Variants in CDC5L observed in about 807,000 individuals in gnomAD.
CDC5L encodes cell division cycle 5-like protein.
In CDC5L, 18 loss-of-function variants were observed where a neutral mutation model predicts 104.1. That is an observed-to-expected ratio of 0.17 (90% confidence interval 0.12 to 0.26). The LOEUF (loss-of-function observed/expected upper bound fraction) is 0.26, where lower values mean the gene tolerates loss of function less well. CDC5L is among the 10% of genes least tolerant of loss of function. CDC5L has a pLI of 1.00. For synonymous variants in CDC5L, 331 were observed against 322.7 expected, an observed-to-expected ratio of 1.03 and a Z score of -0.28; for missense variants, 673 against 956.9, an observed-to-expected ratio of 0.70 and a Z score of 3.91.
chr6:44,429,187 A>G (rs567763025), intron 13 of CDC5L, among the ~76,000 whole-genome samples: 29 of 151,970 alleles, frequency 1.9e-4, no homozygotes, highest in African/African-American at 7.0e-4. Context: ...ACGTCCTACT[A>G]ATTTTTACAT....
intron 1 of CDC5L, among the ~76,000 whole-genome samples, chr6:44,388,770 CTG>C (rs2153372864): frequency 6.6e-6 from 1 of 150,644 alleles, no homozygotes; most frequent in African/African-American, 2.4e-5. Flanking sequence ...CTTGGAATCT[CTG>C]TAAGAATTAA....
intron 8 of CDC5L, among the ~76,000 whole-genome samples, chr6:44,417,691 G>C (rs926434101): frequency 2.0e-5 from 3 of 152,180 alleles, no homozygotes; most frequent in Non-Finnish European, 4.4e-5. Context: ...AGAGAACATG[G>C]TCAGTTCTGC....
chr6:44,398,239 C>G (rs1554158337), intron 5 of CDC5L, among the ~76,000 whole-genome samples: 1 of 152,118 alleles, frequency 6.6e-6, no homozygotes, highest in Admixed American at 6.5e-5. Context: ...GGCCACCTCT[C>G]TATTCTGTAT....
rs1213113999 is a variant in CDC5L at position 44,445,759 on chromosome 6, G to A, written c.2196G>A (p.Met732Ile). 6.2e-7 allele frequency: 1 copy of A among 1,614,068 alleles called. No homozygotes were observed. Among genetic ancestry groups the A allele is most frequent in the Non-Finnish European group, 8.5e-7 (1 of 1,179,942 alleles). ...ACCAGTCTCGTGCTATGGGGCTCATGAAACAGTTGAATGACTTATGGGACC... is the reference window on the plus strand; with the variant it reads ...ACCAGTCTCGTGCTATGGGGCTCATAAAACAGTTGAATGACTTATGGGACC... ...GGYQSRAMGLMKQLNDLWDQI... is the reference protein window; with the variant it reads ...GGYQSRAMGLIKQLNDLWDQI... Residue 732 changes from methionine (M) to isoleucine (I), a missense_variant, in exon 15 of 16, where the codon ATG becomes ATA. Met to Ile is a conservative substitution (Grantham distance 10). Around this residue, in one of 4 missense-constraint regions of CDC5L, gnomAD observed 578 missense variants for 737.0 expected, o/e 0.78. Coordinates refer to ENST00000371477, the MANE Select transcript of CDC5L (RefSeq NM_001253.4).
At chr6:44,416,486 C>G (rs912221352) in intron 8 of CDC5L, among the ~76,000 whole-genome samples, 6 of 152,210 alleles carry the variant, frequency 3.9e-5, no homozygotes, top group African/African-American at 1.4e-4. Context: ...AAGTCTGTCA[C>G]TACCTCTGAC....
rs569156360 is a variant in CDC5L at position 44,446,705 on chromosome 6, A to G, written c.2403A>G (p.Lys801=). The G allele has an allele frequency of 2.5e-5, 37 of 1,482,980 alleles. No homozygotes were observed. The South Asian group carries it at 3.8e-4, about 15-fold the overall frequency. The allele number at this position is 1,482,980 out of a possible 1,614,324, so 91.9% of individuals were successfully genotyped here. A position where few individuals can be genotyped will look rare whatever the true frequency, so the allele number is the denominator to read the frequency against. The change falls in exon 16 of 16, where the codon AAA becomes AAG. Residue 801 remains lysine, a synonymous_variant. Coordinates refer to ENST00000371477, the MANE Select transcript of CDC5L (RefSeq NM_001253.4). The part of the protein sequence containing the change: ...LLLEKETLKS[K]F Reference sequence around the variant, plus strand: ...TGGAGAAAGAGACTTTAAAGTCAAAATTCTGAAGTACAGTTTATATTCTGT... The same window carrying G: ...TGGAGAAAGAGACTTTAAAGTCAAAGTTCTGAAGTACAGTTTATATTCTGT...
intron 5 of CDC5L, among the ~76,000 whole-genome samples, chr6:44,403,581 A>G (rs1440662475): frequency 1.3e-5 from 2 of 152,124 alleles, no homozygotes; most frequent in Admixed American, 6.6e-5. Context: ...GAGATAAGAT[A>G]TGTATTTACT....
chr6:44,419,268 T>C, intron 8 of CDC5L, among the ~76,000 whole-genome samples, 181 bp from the exon 9 acceptor site: 1 of 152,186 alleles, frequency 6.6e-6, no homozygotes, highest in East Asian at 1.9e-4. Context: ...ATGTGTTAGA[T>C]TGATAGAAGG....
intron 8 of CDC5L, among the ~76,000 whole-genome samples, chr6:44,412,784 T>TC (rs1402246655): frequency 1.5e-5 from 2 of 137,756 alleles, no homozygotes; most frequent in East Asian, 2.1e-4. Flanking sequence ...ATAATTTCTT[T>TC]TTTTTTTTTT....
At chr6:44,415,550 G>T (rs1389205154) in intron 8 of CDC5L, among the ~76,000 whole-genome samples, 1 of 152,154 alleles carries the variant, frequency 6.6e-6, no homozygotes, top group Non-Finnish European at 1.5e-5. Flanking sequence ...CCTCCCCCAT[G>T]TCAGGTTTCT....
intron 14 of CDC5L, among the ~76,000 whole-genome samples, chr6:44,432,627 A>G (rs1792737250): frequency 6.6e-6 from 1 of 152,220 alleles, no homozygotes. Context: ...TCCTTAAGAT[A>G]CTCATTTAAA....
chr6:44,431,132 T>C (rs1792663955), intron 14 of CDC5L, among the ~76,000 whole-genome samples: 1 of 152,222 alleles, frequency 6.6e-6, no homozygotes, highest in Admixed American at 6.5e-5. Flanking sequence ...ATCTTTTAAT[T>C]TGAGTTATTC....
At chr6:44,444,726 T>C (rs1343684485) in intron 14 of CDC5L, among the ~76,000 whole-genome samples, 1 of 149,782 alleles carries the variant, frequency 6.7e-6, no homozygotes, top group Non-Finnish European at 1.5e-5. Context: ...CACCTCCTTG[T>C]TTTTTTGATC....
At position 44,398,282 on chromosome 6, in the gene CDC5L, GA is replaced by G. The variant is rs537884166; in HGVS notation, c.539+1850del. 7.9e-5 allele frequency among the ~76,000 whole-genome samples: 12 copies of G among 151,972 alleles called. No individual in the cohort carries two copies. The East Asian group carries it at 1.9e-3, about 24-fold the overall frequency. On this transcript the variant is annotated intron_variant, in intron 5 of 15. Coordinates refer to ENST00000371477, the MANE Select transcript of CDC5L (RefSeq NM_001253.4). ...AGAGTTAAGTACTGTGAGTAAGGTT[GA>G]AAAAAAATCACTTTTCCATTTTTAT...
intron 14 of CDC5L, among the ~76,000 whole-genome samples, chr6:44,439,317 C>T (rs1020366580): frequency 1.3e-5 from 2 of 152,076 alleles, no homozygotes; most frequent in African/African-American, 4.8e-5. Context: ...TATGAACATT[C>T]GTGTACAGGT....
intron 8 of CDC5L, among the ~76,000 whole-genome samples, chr6:44,413,071 C>T (rs1012832435): frequency 2.0e-5 from 3 of 152,054 alleles, no homozygotes; most frequent in Non-Finnish European, 4.4e-5. Flanking sequence ...CGTGAGCCAC[C>T]GCGCCCGGCC....
chr6:44,400,642 A>G (rs1207750814), intron 5 of CDC5L, among the ~76,000 whole-genome samples: 2 of 152,194 alleles, frequency 1.3e-5, no homozygotes, highest in African/African-American at 4.8e-5. Flanking sequence ...TTGGCCTCCC[A>G]AAGTCCTGGG....
At chr6:44,398,491 T>C (rs1394675749) in intron 5 of CDC5L, among the ~76,000 whole-genome samples, 3 of 152,222 alleles carry the variant, frequency 2.0e-5, no homozygotes, top group Non-Finnish European at 1.5e-5. Context: ...CTACACATCT[T>C]TGTAAGTTAT....
chr6:44,408,357 C>A, intron 7 of CDC5L, 87 bp from the exon 8 acceptor site: 1 of 1,054,612 alleles, frequency 9.5e-7, no homozygotes, highest in Non-Finnish European at 1.4e-6. Flanking sequence ...CCTCCTCGGC[C>A]TCCCAGAGTG....
Sources: gnomAD v4.1 joint callset for allele counts (sites outside exome capture counted in the v4.1 genomes callset) on GRCh38, gnomAD v4.1.1 for gene constraint, gnomAD v4.1.1 regional missense constraint, MANE v1.5 for transcripts, NCBI Gene and HGNC (gene_info 2026-07-23, HGNC 2026-07-21) for gene names.